The following PLD5 variants were observed in gnomAD, a reference collection of about 807,000 sequenced individuals.
The protein encoded by PLD5 is inactive phospholipase D5.
PLD5 carries 36 observed loss-of-function variants against 61.1 expected under a neutral mutation model. The observed-to-expected ratio is 0.59, with a 90% CI of 0.45 to 0.78. The LOEUF (loss-of-function observed/expected upper bound fraction) is 0.78. Ranked by LOEUF, PLD5 falls within the 30% of genes least tolerant of loss-of-function variation. The probability of loss-of-function intolerance (pLI) is 0.00; values close to 1 mark genes in which losing one functional copy is unlikely to be tolerated. For missense variants in PLD5, 515 were observed against 644.4 expected, an observed-to-expected ratio of 0.80 and a Z score of 2.17; for synonymous variants, 243 against 242.8, an observed-to-expected ratio of 1.00 and a Z score of -0.01.
chr1:242,133,407 C>T (rs778537480), intron 5 of PLD5, among the ~76,000 whole-genome samples: 10 of 152,294 alleles, frequency 6.6e-5, no homozygotes, highest in Middle Eastern at 3.4e-3. Flanking sequence ...CTTGCTTGAG[C>T]CTGCTCCCAC....
At chr1:242,465,663 C>G (rs573784932) in intron 1 of PLD5, among the ~76,000 whole-genome samples, 20 of 152,110 alleles carry the variant, frequency 1.3e-4, no homozygotes, top group Non-Finnish European at 2.2e-4. Context: ...GCACAGTGGC[C>G]TACGCCTGTA....
intron 4 of PLD5, among the ~76,000 whole-genome samples, chr1:242,242,238 T>C (rs1328430885): frequency 6.6e-6 from 1 of 152,066 alleles, no homozygotes; most frequent in Non-Finnish European, 1.5e-5. Flanking sequence ...GCTAGAATTG[T>C]AATCTGAGTC....
At chr1:242,237,047 C>T (rs1042279938) in intron 4 of PLD5, among the ~76,000 whole-genome samples, 2 of 152,208 alleles carry the variant, frequency 1.3e-5, no homozygotes, top group Non-Finnish European at 2.9e-5. Context: ...TGTCTTCCCA[C>T]CATTAACCAT....
At chr1:242,130,400 A>G (rs978822457) in intron 5 of PLD5, among the ~76,000 whole-genome samples, 5 of 152,214 alleles carry the variant, frequency 3.3e-5, no homozygotes, top group African/African-American at 7.2e-5. Flanking sequence ...GAATTGTGCT[A>G]TGATAAACAT....
intron 1 of PLD5, among the ~76,000 whole-genome samples, chr1:242,362,582 G>A (rs1221498488): frequency 2.0e-5 from 3 of 152,072 alleles, no homozygotes; most frequent in Non-Finnish European, 4.4e-5. Flanking sequence ...TCCTAGTGAT[G>A]TTCCCAAAGG....
intron 1 of PLD5, among the ~76,000 whole-genome samples, chr1:242,456,779 T>G (rs1002225056): frequency 1.3e-5 from 2 of 152,204 alleles, no homozygotes; most frequent in Non-Finnish European, 2.9e-5. Flanking sequence ...CCTGTGAGAC[T>G]GCATTTCCAC....
chr1:242,309,861 AT>A (rs1676594687), intron 2 of PLD5, among the ~76,000 whole-genome samples: 1 of 39,036 alleles, frequency 2.6e-5, no homozygotes, highest in South Asian at 1.6e-3. Context: ...TAAATAATTT[AT>A]TGAGTTTTTT....
chr1:242,229,907 TAA>T (rs60295070), intron 4 of PLD5, among the ~76,000 whole-genome samples: 20 of 140,538 alleles, frequency 1.4e-4, no homozygotes, highest in Middle Eastern at 3.8e-3. Flanking sequence ...AAAATATTGA[TAA>T]AAAAAAAAAA....
At chr1:242,352,002 G>T (rs557049765) in intron 1 of PLD5, among the ~76,000 whole-genome samples, 1 of 151,808 alleles carries the variant, frequency 6.6e-6, no homozygotes, top group Admixed American at 6.6e-5. Flanking sequence ...TTACAATATC[G>T]GTAGAATCAT....
chr1:242,341,265 G>C (rs1426523730), intron 2 of PLD5, among the ~76,000 whole-genome samples: 1 of 150,986 alleles, frequency 6.6e-6, no homozygotes, highest in Non-Finnish European at 1.5e-5. Flanking sequence ...ACCACTCTAA[G>C]GTCATGATAC....
intron 2 of PLD5, among the ~76,000 whole-genome samples, chr1:242,302,185 T>C (rs371141753): frequency 1.3e-5 from 2 of 152,238 alleles, no homozygotes; most frequent in East Asian, 1.9e-4. Context: ...TGCAGGTTCG[T>C]AGCCCAGGAG....
At chr1:242,104,790 G>C (rs1301392857) in intron 8 of PLD5, among the ~76,000 whole-genome samples, 1 of 152,098 alleles carries the variant, frequency 6.6e-6, no homozygotes, top group Non-Finnish European at 1.5e-5. Flanking sequence ...CAAAACACTG[G>C]GACTACAGGC....
intron 4 of PLD5, among the ~76,000 whole-genome samples, chr1:242,241,791 T>TCTTA (rs10635736): frequency 0.95 from 140,893 of 148,340 alleles, 67,381 homozygotes; most frequent in Non-Finnish European, 1. Context: ...TTTACTTATT[T>TCTTA]CTATTTGCCT....
At position 242,233,498 on chromosome 1, in the gene PLD5, C is replaced by T. The variant is rs939630221; in HGVS notation, c.608-13383G>A. 3.3e-5 allele frequency among the ~76,000 whole-genome samples: 5 copies of T among 152,030 alleles called. No individual in the cohort carries two copies. In the East Asian group the frequency reaches 9.7e-4, roughly 29 times the overall value. On this transcript the variant is annotated intron_variant, in intron 4 of 9. Coordinates refer to ENST00000536534, the MANE Select transcript of PLD5 (RefSeq NM_001372062.1). The stretch of plus-strand genomic sequence containing the variant: ...TAGAAGAGACTGATTTCTAATGAGT[C>T]CCCTATTCAATATTGTTCCTTAAGA...
rs546778694 is a variant in PLD5 at position 242,348,827 on chromosome 1, G to A, written c.190-585C>T. 1.4e-4 allele frequency among the ~76,000 whole-genome samples: 21 copies of A among 152,276 alleles called. 1 individual carries two copies. The highest frequency in any genetic ancestry group is 2.2e-4 in the Non-Finnish European group (15 of 68,040). On this transcript the variant is annotated intron_variant, in intron 1 of 9. Transcript: ENST00000536534. ...CCTAGCACTTTGGGAGGCCAAGGCG[G>A]GCAGATCATGAGGTCAGGAGATCAA...
At chr1:242,393,166 T>C (rs527684442) in intron 1 of PLD5, among the ~76,000 whole-genome samples, 2 of 149,744 alleles carry the variant, frequency 1.3e-5, no homozygotes, top group African/African-American at 2.5e-5. Context: ...ATCACGCCAC[T>C]GAACTCCAGC....
At chr1:242,512,880 T>TA (rs2103003445) in intron 1 of PLD5, among the ~76,000 whole-genome samples, 1 of 151,646 alleles carries the variant, frequency 6.6e-6, no homozygotes, top group East Asian at 1.9e-4. Context: ...TTTTTTCTTT[T>TA]TTTTTTTTGG....
At chr1:242,503,666 C>T (rs1668628540) in intron 1 of PLD5, among the ~76,000 whole-genome samples, 1 of 152,090 alleles carries the variant, frequency 6.6e-6, no homozygotes, top group Admixed American at 6.5e-5. Flanking sequence ...TAGGAATAGC[C>T]GTATGGAACT....
rs191240063 is a variant in PLD5 at position 242,265,374 on chromosome 1, T to G, written c.570A>C (p.Thr190=). 23 of 1,612,968 alleles carry G rather than the reference T, an allele frequency of 1.4e-5. No individual in the cohort carries two copies. In the African/African-American group the frequency reaches 1.7e-4, roughly 12 times the overall value. ...AGGCTTCTAATACCTTTGAATCAGC[T>G]GTTACATCACTCACTAGCTTGATTT... ...NIEIKLVSDV[T]ADSKVLEALK... Residue 190 remains threonine (T), a synonymous_variant, in exon 4 of 10, where the codon ACA becomes ACC. Coordinates refer to ENST00000536534, the MANE Select transcript of PLD5 (RefSeq NM_001372062.1).
Sources: allele counts gnomAD v4.1 joint callset (sites outside exome capture counted in the v4.1 genomes callset), GRCh38; gene constraint gnomAD v4.1.1; transcripts MANE v1.5; gene names NCBI Gene and HGNC (gene_info 2026-07-23, HGNC 2026-07-21).